Variants in ASTN1 observed in about 807,000 individuals in gnomAD.
The protein encoded by ASTN1 is astrotactin-1.
In ASTN1, 41 loss-of-function variants were observed where a neutral mutation model predicts 140.7. The ratio of observed to expected loss-of-function variants is 0.29; its 90% CI spans 0.23 to 0.38. The LOEUF (loss-of-function observed/expected upper bound fraction) is 0.38, where lower values mean the gene tolerates loss of function less well. Among genes scored for constraint, ASTN1 ranks in the 10% least tolerant of loss-of-function variants. The pLI is 1.00. For missense variants in ASTN1, 1,479 were observed against 1,678.8 expected (o/e 0.88, Z 2.08); for synonymous variants, 640 against 652.2 (o/e 0.98, Z 0.29).
intron 2 of ASTN1, among the ~76,000 whole-genome samples, chr1:177,035,846 C>T (rs575187860): frequency 6.6e-6 from 1 of 152,260 alleles, no homozygotes; most frequent in South Asian, 2.1e-4. Flanking sequence ...TTCTCTTAAC[C>T]ATGTGTGGAG....
At chr1:177,129,476 C>T (rs1681835921) in intron 1 of ASTN1, among the ~76,000 whole-genome samples, 1 of 152,182 alleles carries the variant, frequency 6.6e-6, no homozygotes, top group Non-Finnish European at 1.5e-5. Context: ...GCACTGTCAA[C>T]TCAAATCTTC....
At chr1:176,926,288 CAAAA>C (rs3041009) in intron 16 of ASTN1, among the ~76,000 whole-genome samples, 11 of 131,124 alleles carry the variant, frequency 8.4e-5, no homozygotes, top group Admixed American at 7.6e-5. Flanking sequence ...AGTGCCTGCT[CAAAA>C]AAAAAAAAAA....
chr1:177,149,955 G>A (rs538979965), intron 1 of ASTN1, among the ~76,000 whole-genome samples: 360 of 150,442 alleles, frequency 2.4e-3, no homozygotes, highest in African/African-American at 8.4e-3. Context: ...GTAAAGACAG[G>A]ATTATGTCTG....
rs1033196270 is a variant in ASTN1, at chr1:176,934,902, T to A, written c.2483-562A>T. 3.3e-5 allele frequency among the ~76,000 whole-genome samples: 5 copies of A among 152,076 alleles called. No individual in the cohort carries two copies. The East Asian group carries it at 9.6e-4, about 29-fold the overall frequency. ...TGCCTTCAGACGTAGACATGGGCAA[T>A]AAGAAGACAATGACAGAAGAAAGGA... On this transcript the variant is annotated intron_variant, in intron 15 of 22. Transcript: ENST00000361833.
At chr1:176,975,471 G>A (rs929234886) in intron 8 of ASTN1, among the ~76,000 whole-genome samples, 2 of 152,234 alleles carry the variant, frequency 1.3e-5, no homozygotes, top group African/African-American at 4.8e-5. Flanking sequence ...AGGCAGCATT[G>A]AGTCTACATA....
intron 11 of ASTN1, among the ~76,000 whole-genome samples, chr1:176,951,596 T>C (rs1169894876): frequency 6.6e-6 from 1 of 152,236 alleles, no homozygotes; most frequent in African/African-American, 2.4e-5. Context: ...ACCCGCTTTT[T>C]TCAGAGTTCT....
chr1:177,084,403 C>T (rs1030744833), intron 1 of ASTN1, among the ~76,000 whole-genome samples: 7 of 152,144 alleles, frequency 4.6e-5, no homozygotes, highest in African/African-American at 1.7e-4. Flanking sequence ...GAGTGTGTCC[C>T]CCCACAAAGA....
At chr1:177,006,575 T>C (rs961985494) in intron 8 of ASTN1, among the ~76,000 whole-genome samples, 2 of 152,176 alleles carry the variant, frequency 1.3e-5, no homozygotes, top group Admixed American at 6.5e-5. Context: ...CTGGAAAGCA[T>C]AGGCAAGACA....
chr1:177,025,096 A>G (rs1450435591), intron 5 of ASTN1, among the ~76,000 whole-genome samples: 8 of 152,188 alleles, frequency 5.3e-5, no homozygotes, highest in Non-Finnish European at 1.0e-4. Context: ...TTAATCCCAC[A>G]CTATACCTCC....
chr1:177,136,203 G>A (rs1012951073), intron 1 of ASTN1, among the ~76,000 whole-genome samples: 1 of 152,162 alleles, frequency 6.6e-6, no homozygotes, highest in Non-Finnish European at 1.5e-5. Flanking sequence ...CTCCTGTGGA[G>A]TGTCCTCTTG....
chr1:177,123,058 T>C (rs1294441933), intron 1 of ASTN1, among the ~76,000 whole-genome samples: 1 of 152,142 alleles, frequency 6.6e-6, no homozygotes, highest in East Asian at 1.9e-4. Flanking sequence ...TCGTTTATTT[T>C]AATACCACAC....
At chr1:177,004,930 A>T (rs1674917938) in intron 8 of ASTN1, among the ~76,000 whole-genome samples, 1 of 152,208 alleles carries the variant, frequency 6.6e-6, no homozygotes. Flanking sequence ...ATAATTTATG[A>T]CTAAGACCCC....
chr1:177,149,992 C>A (rs1386553155), intron 1 of ASTN1, among the ~76,000 whole-genome samples: 2 of 151,318 alleles, frequency 1.3e-5, no homozygotes, highest in African/African-American at 2.4e-5. Context: ...CTTCCAGAAG[C>A]CTAGTATCAT....
chr1:176,916,227 T>A (rs77008398), intron 16 of ASTN1, among the ~76,000 whole-genome samples: 57 of 152,232 alleles, frequency 3.7e-4, no homozygotes, highest in Non-Finnish European at 7.1e-4. Flanking sequence ...CACAGGTTAT[T>A]TGTGAGATAA....
chr1:176,932,724 C>T (rs187781581), intron 16 of ASTN1, among the ~76,000 whole-genome samples: 4 of 152,282 alleles, frequency 2.6e-5, no homozygotes, highest in Admixed American at 2.6e-4. Context: ...GACAGAATTC[C>T]CTCTTGGATT....
At chr1:177,026,658 C>T (rs1235665100) in intron 5 of ASTN1, among the ~76,000 whole-genome samples, 1 of 152,174 alleles carries the variant, frequency 6.6e-6, no homozygotes, top group Admixed American at 6.5e-5. Context: ...TCTCCACATC[C>T]TCACCAGTGT....
intron 17 of ASTN1, 147 bp from the exon 18 acceptor site, chr1:176,888,351 T>C (rs1669126742): frequency 2.0e-6 from 2 of 987,464 alleles, no homozygotes; most frequent in Non-Finnish European, 3.0e-6. Context: ...TCTCAAATTC[T>C]GATTCCAGGA....
At chr1:176,984,606 C>G (rs561920235) in intron 8 of ASTN1, among the ~76,000 whole-genome samples, 2 of 152,242 alleles carry the variant, frequency 1.3e-5, no homozygotes, top group South Asian at 4.2e-4. Flanking sequence ...CAGTCATGAG[C>G]CTCAGTCCCC....
intron 1 of ASTN1, among the ~76,000 whole-genome samples, chr1:177,063,761 C>T (rs1678214520): frequency 6.6e-6 from 1 of 152,114 alleles, no homozygotes; most frequent in Non-Finnish European, 1.5e-5. Context: ...CCTGTTATTG[C>T]AGCGGAAACC....
Sources: allele counts gnomAD v4.1 joint callset (sites outside exome capture counted in the v4.1 genomes callset), GRCh38; gene constraint gnomAD v4.1.1; transcripts MANE v1.5; gene names NCBI Gene and HGNC (gene_info 2026-07-23, HGNC 2026-07-21).